Variants in TTC8 observed in about 807,000 individuals in gnomAD.
TTC8 encodes tetratricopeptide repeat domain 8, also known as tetratricopeptide repeat protein 8.
A neutral mutation model predicts 72.5 loss-of-function variants in TTC8; 47 were observed. The ratio of observed to expected loss-of-function variants is 0.65; its 90% CI spans 0.51 to 0.83. The LOEUF (loss-of-function observed/expected upper bound fraction) is 0.83, where lower values mean the gene tolerates loss of function less well. Ranked by LOEUF, TTC8 falls within the 40% of genes least tolerant of loss-of-function variation. TTC8 has a pLI of 0.00. For synonymous variants in TTC8, 199 were observed against 221.4 expected (o/e 0.90, Z 0.90); for missense variants, 611 against 623.2 (o/e 0.98, Z 0.21).
At chr14:88,853,829 G>A (rs1321105207) in intron 8 of TTC8, among the ~76,000 whole-genome samples, 2 of 152,138 alleles carry the variant, frequency 1.3e-5, no homozygotes, top group African/African-American at 4.8e-5. Flanking sequence ...TGCTGATATT[G>A]AAATGCATAT....
chr14:88,859,912 A>ATAATATAATATAAAT (rs1566850451), intron 9 of TTC8, among the ~76,000 whole-genome samples: 27 of 143,386 alleles, frequency 1.9e-4, no homozygotes, highest in African/African-American at 6.6e-4. Flanking sequence ...ATATAAATAT[A>ATAATATAATATAAAT]ATAACTATAT....
At position 88,833,718 on chromosome 14, in the gene TTC8, A is replaced by G; in HGVS notation, c.140A>G (p.His47Arg). ...GAACCAGATCCTGAATTGCCAGTGC[A>G]TCAGGTAAAGAAAGGTTTAGCTGCA... ...DQEPDPELPVHQAAWILKARA... is the reference protein window; with the variant it reads ...DQEPDPELPVRQAAWILKARA... Residue 47 changes from histidine (H) to arginine (R), a missense_variant, in exon 2 of 15, where the codon CAT becomes CGT. Physicochemically the swap from His to Arg is conservative, Grantham distance 29. Coordinates refer to ENST00000380656, the MANE Select transcript of TTC8 (RefSeq NM_144596.4). The G allele has an allele frequency of 6.2e-7, 1 of 1,613,592 alleles. No homozygotes were observed. Among genetic ancestry groups the G allele is most frequent in the Non-Finnish European group, 8.5e-7 (1 of 1,179,650 alleles).
chr14:88,863,696 G>A (rs2094898127), intron 10 of TTC8, among the ~76,000 whole-genome samples: 1 of 152,222 alleles, frequency 6.6e-6, no homozygotes, highest in South Asian at 2.1e-4. Context: ...AGTGGTCTCA[G>A]GCCTGCTATG....
chr14:88,872,018 C>T lies in TTC8; in HGVS notation c.1224+295C>T, dbSNP rs1035711506. Among the ~76,000 whole-genome samples, 5 of 152,166 alleles carry T rather than the reference C, an allele frequency of 3.3e-5. No individual in the cohort carries two copies. In the East Asian group the frequency reaches 5.8e-4, roughly 18 times the overall value. On this transcript the variant is annotated intron_variant, in intron 12 of 14. Transcript: ENST00000380656. ...AGTGAGCTGTGATCGTAGCACTGCA[C>T]TCCAGCCTGGGTGACAAAGTGTGAG... is the stretch of plus-strand genomic sequence containing the variant.
rs1359350783 is a variant in TTC8, at chr14:88,842,839, A to G, written c.580-967A>G. On this transcript the variant is annotated intron_variant, in intron 6 of 14. Transcript: ENST00000380656. ...TGCTTGGGGTGTCTAGGGTGACTCT[A>G]TGACACTGTCTTTGATGCTGTAACG... Among the ~76,000 whole-genome samples, 3 of 152,298 alleles carry G rather than the reference A, an allele frequency of 2.0e-5. 1 individual carries two copies. Among genetic ancestry groups the G allele is most frequent in the East Asian group, 1.9e-4 (1 of 5,186 alleles).
chr14:88,851,632 A>G, intron 7 of TTC8, among the ~76,000 whole-genome samples: 1 of 152,170 alleles, frequency 6.6e-6, no homozygotes, highest in African/African-American at 2.4e-5. Context: ...AGTATATCTG[A>G]AAATAATGCT....
At chr14:88,847,619 G>A (rs1390495036) in intron 7 of TTC8, among the ~76,000 whole-genome samples, 1 of 151,804 alleles carries the variant, frequency 6.6e-6, no homozygotes, top group East Asian at 1.9e-4. Context: ...AATCAATGAA[G>A]AAGAAAAAAA....
intron 1 of TTC8, among the ~76,000 whole-genome samples, chr14:88,826,614 G>A (rs2094702288): frequency 6.6e-6 from 1 of 152,084 alleles, no homozygotes; most frequent in Non-Finnish European, 1.5e-5. Context: ...CGAGGTAGGA[G>A]AATGGCGTGA....
At position 88,847,233 on chromosome 14, in the gene TTC8, G is replaced by A. The variant is rs541575721; in HGVS notation, c.624+3383G>A. On this transcript the variant is annotated intron_variant, in intron 7 of 14. Coordinates refer to ENST00000380656, the MANE Select transcript of TTC8 (RefSeq NM_144596.4). ...GTTTAAAAACCAATGGTTAATAGAC[G>A]GGTGTAATGCCAGGTGTTCCTGTGT... 3.3e-5 allele frequency among the ~76,000 whole-genome samples: 5 copies of A among 152,224 alleles called. No individual in the cohort carries two copies. The East Asian group carries it at 5.8e-4, about 18-fold the overall frequency.
chr14:88,837,216 C>G (rs1018469880), intron 2 of TTC8: 1 of 158,370 alleles, frequency 6.3e-6, no homozygotes, highest in Admixed American at 6.5e-5. Flanking sequence ...TTTTCTCCAA[C>G]CTCTTCCCTC....
At position 88,870,136 on chromosome 14, in the gene TTC8, C is replaced by T. The variant is rs1024139303; in HGVS notation, c.987C>T (p.Ile329=). ...LKQDNTHVEA[I]ACIGSNHFYS... is the part of the protein sequence containing the mutation. The stretch of plus-strand genomic sequence containing the variant: ...AAGACAATACTCATGTGGAAGCCAT[C>T]GCATGCATTGGAAGCAACCACTTCT... Residue 329 remains isoleucine (I), a synonymous_variant, in exon 11 of 15, where the codon ATC becomes ATT. Transcript: ENST00000380656. 1.1e-5 allele frequency: 18 copies of T among 1,613,956 alleles called. No homozygotes were observed. Among genetic ancestry groups the T allele is most frequent in the South Asian group, 3.3e-5 (3 of 91,076 alleles).
intron 8 of TTC8, 111 bp downstream of exon 8, chr14:88,853,167 T>C (rs2094841240): frequency 1.3e-6 from 1 of 759,062 alleles, no homozygotes; most frequent in African/African-American, 1.7e-5. Context: ...GAGAACTGTG[T>C]CTTTGACTTA....
At position 88,843,851 on chromosome 14, in the gene TTC8, G is replaced by T; in HGVS notation, c.624+1G>T. The T allele has an allele frequency of 1.3e-6, 2 of 1,583,436 alleles. No individual in the cohort carries two copies. Among genetic ancestry groups the T allele is most frequent in the Non-Finnish European group, 1.7e-6 (2 of 1,159,080 alleles). ...TCATCATGAAAATGATGTTAAGACT[G>T]TAAGTTTTGAATTCATGCTATTTTC... On this transcript the variant is annotated splice_donor_variant, in intron 7 of 14. Transcript: ENST00000380656. LOFTEE classifies it high-confidence loss of function.
chr14:88,862,148 T>C (rs566491611), intron 10 of TTC8, among the ~76,000 whole-genome samples: 1 of 152,194 alleles, frequency 6.6e-6, no homozygotes, highest in South Asian at 2.1e-4. Flanking sequence ...CAGCATTTGT[T>C]ATTTTTTTGT....
At chr14:88,861,725 G>GA (rs1432325101) in intron 10 of TTC8, among the ~76,000 whole-genome samples, 2 of 152,160 alleles carry the variant, frequency 1.3e-5, no homozygotes, top group African/African-American at 4.8e-5. Context: ...GCATGAGTGA[G>GA]AACATGCGGC....
At chr14:88,868,319 G>T (rs1289052433) in intron 10 of TTC8, among the ~76,000 whole-genome samples, 1 of 152,148 alleles carries the variant, frequency 6.6e-6, no homozygotes, top group East Asian at 1.9e-4. Context: ...AGATAGCTCA[G>T]TTGCAATTTC....
chr14:88,849,582 A>G (rs1032031118), intron 7 of TTC8, among the ~76,000 whole-genome samples: 6 of 152,188 alleles, frequency 3.9e-5, no homozygotes, highest in African/African-American at 9.6e-5. Context: ...AAAGTATAAA[A>G]TTGATTGTCC....
At chr14:88,831,611 A>G (rs1033943091) in intron 1 of TTC8, among the ~76,000 whole-genome samples, 3 of 152,202 alleles carry the variant, frequency 2.0e-5, no homozygotes, top group Non-Finnish European at 1.5e-5. Flanking sequence ...TAGTATACCT[A>G]TAACTCAGAG....
Position 88,824,831 on chromosome 14 carries a change from A to G in TTC8, c.114+10A>G, listed in dbSNP as rs750902369. On this transcript the variant is annotated intron_variant, in intron 1 of 14. Coordinates refer to ENST00000380656, the MANE Select transcript of TTC8 (RefSeq NM_144596.4). ...GTCCCCTTATGACCAGGTACCGGCC[A>G]GCTCCCGTCAGCCTGTGCATCCTGA... is the stretch of plus-strand genomic sequence containing the variant. 5 of 1,605,742 alleles carry G rather than the reference A, an allele frequency of 3.1e-6. No individual in the cohort carries two copies. In the African/African-American group the frequency reaches 5.3e-5, roughly 17 times the overall value.
Sources: allele counts gnomAD v4.1 joint callset (sites outside exome capture counted in the v4.1 genomes callset), GRCh38; gene constraint gnomAD v4.1.1; transcripts MANE v1.5; gene names NCBI Gene and HGNC (gene_info 2026-07-23, HGNC 2026-07-21).